ECE2: variants seen among roughly 807,000 people sequenced by gnomAD.
The protein encoded by ECE2 is endothelin converting enzyme 2.
Under a neutral mutation model 100.6 loss-of-function variants are expected in ECE2, and 81 were observed. That is an observed-to-expected ratio of 0.81 (90% CI 0.67 to 0.97). ECE2 has a LOEUF of 0.97. Ranked by LOEUF, ECE2 falls within the 50% of genes least tolerant of loss-of-function variation. ECE2 has a pLI of 0.00. For synonymous variants in ECE2, 391 were observed against 391.5 expected (o/e 1.00, Z 0.02); for missense variants, 911 against 988.1 (o/e 0.92, Z 1.05).
chr3:184,276,569 T>C lies in ECE2; in HGVS notation c.126+2T>C. ...GGGGCCTCCCCGGACGCCATGGAGG[T>C]GGGCAAGGGGGCTTCCCCTTTCTCA... On this transcript the variant is annotated splice_donor_variant, in intron 2 of 18. Transcript: ENST00000404464. LOFTEE classifies it high-confidence loss of function. The C allele has an allele frequency of 3.7e-6, 6 of 1,607,692 alleles. No homozygotes were observed. Among genetic ancestry groups the C allele is most frequent in the Non-Finnish European group, 5.1e-6 (6 of 1,177,940 alleles).
chr3:184,279,926 G>A (rs1341225205), intron 7 of ECE2, among the ~76,000 whole-genome samples: 1 of 152,156 alleles, frequency 6.6e-6, no homozygotes, highest in Admixed American at 6.5e-5. Flanking sequence ...GAGAAAGAAA[G>A]CCTGGAGATG....
chr3:184,288,309 CAAAAAAAA>C (rs10608428), intron 11 of ECE2, among the ~76,000 whole-genome samples: 145 of 91,482 alleles, frequency 1.6e-3, no homozygotes, highest in Non-Finnish European at 2.4e-3. Flanking sequence ...AACTCTGTCT[CAAAAAAAA>C]AAAAAAAAAA....
Position 184,291,234 on chromosome 3 carries a change from A to G in ECE2, c.2025+4A>G. 2 of 1,610,084 alleles carry G rather than the reference A, an allele frequency of 1.2e-6. No homozygotes were observed. Among genetic ancestry groups the G allele is most frequent in the Non-Finnish European group, 1.7e-6 (2 of 1,177,856 alleles). ...GGGGCTGAAGGCTGCCTACAATGTG[A>G]GTGGCCTGACCAGCCCTCCAGCGGC... On this transcript the variant is annotated splice_donor_region_variant and intron_variant, in intron 17 of 18. Coordinates refer to ENST00000404464, the MANE Select transcript of ECE2 (RefSeq NM_001100121.2). This position sits in a 1 kb window ranked among gnomAD's most constrained non-coding sequence, Gnocchi z 4.1.
intron 10 of ECE2, 138 bp downstream of exon 10, chr3:184,285,730 C>T (rs149811636): frequency 2.3e-4 from 147 of 647,186 alleles, no homozygotes; most frequent in African/African-American, 1.6e-3. Flanking sequence ...AGCCGACTTG[C>T]GTTTCAATCC....
In ECE2 at chr3:184,289,462, G is replaced by T; in HGVS notation, c.1400G>T (p.Arg467Leu). The part of the protein sequence containing the change: ...EIAEGMISEI[R>L]TAFEEALGQL... ...GCAGAGGGGATGATCAGCGAAATCC[G>T]GACCGCATTTGAGGAGGCCCTGGGA... The change falls in exon 12 of 19, where the codon CGG (arginine) becomes CTG (leucine). Residue 467 changes from arginine to leucine, a missense_variant. Coordinates refer to ENST00000404464, the MANE Select transcript of ECE2 (RefSeq NM_001100121.2). The surrounding 1 kb of genome is among the most constrained non-coding windows in gnomAD (Gnocchi z 4.1). The T allele has an allele frequency of 6.2e-7, 1 of 1,610,164 alleles. No individual in the cohort carries two copies. The highest frequency in any genetic ancestry group is 8.5e-7 in the Non-Finnish European group (1 of 1,178,444).
rs1428959853 is a variant in ECE2, at chr3:184,276,300, G to T, written c.39+108G>T. On this transcript the variant is annotated intron_variant, in intron 1 of 18. Coordinates refer to ENST00000404464, the MANE Select transcript of ECE2 (RefSeq NM_001100121.2). The stretch of plus-strand genomic sequence containing the variant: ...GTGCCCGGCTCGCGGAGGTAAGGCT[G>T]CCTCCCGGGCCTGGTGGAGGGGTGA... 4.3e-6 allele frequency: 6 copies of T among 1,386,784 alleles called. No homozygotes were observed. In the African/African-American group the frequency reaches 4.4e-5, roughly 10 times the overall value. 85.9% of individuals were successfully genotyped at this position (1,386,784 alleles called of 1,614,324 possible). A position where few individuals can be genotyped will look rare whatever the true frequency, so the allele number is the denominator to read the frequency against.
At chr3:184,290,755 C>A in intron 15 of ECE2, 38 bp from the exon 16 acceptor site, 2 of 1,613,378 alleles carry the variant, frequency 1.2e-6, no homozygotes, top group Admixed American at 1.7e-5. Flanking sequence ...TCAGAAGTAC[C>A]CCCGCCATGT....
chr3:184,281,242 G>A (rs1720804818), intron 7 of ECE2, among the ~76,000 whole-genome samples: 1 of 152,212 alleles, frequency 6.6e-6, no homozygotes, highest in African/African-American at 2.4e-5. Flanking sequence ...CTGAGTGGAG[G>A]AGAAGGCATA....
chr3:184,285,117 G>A lies in ECE2; in HGVS notation c.1148+12G>A, dbSNP rs1334689114. The A allele has an allele frequency of 2.5e-6, 4 of 1,612,270 alleles. No individual in the cohort carries two copies. The Admixed American group carries it at 6.7e-5, about 27-fold the overall frequency. ...CGCACGGAACCAAGGTGTGGGGGTA[G>A]CCCAGGGTGAGGGTGGGTTCTGTGG... On this transcript the variant is annotated intron_variant, in intron 9 of 18. Transcript: ENST00000404464.
intron 7 of ECE2, 122 bp from the exon 8 acceptor site, chr3:184,283,663 T>A: frequency 1.1e-6 from 1 of 872,530 alleles, no homozygotes; most frequent in Non-Finnish European, 1.7e-6. Context: ...AAACAGGTCA[T>A]CCAGAAAGGC....
intron 9 of ECE2, 124 bp from the exon 10 acceptor site, chr3:184,285,354 C>T (rs1720993432): frequency 1.1e-6 from 1 of 914,192 alleles, no homozygotes; most frequent in Admixed American, 2.3e-5. Flanking sequence ...CAAAGAGGAA[C>T]CCCGGGACAG....
intron 7 of ECE2, 100 bp downstream of exon 7, chr3:184,278,657 G>A: frequency 1.6e-6 from 2 of 1,277,990 alleles, no homozygotes; most frequent in South Asian, 2.5e-5. Context: ...GGGAAGGTGA[G>A]CCTATCCTGT....
At chr3:184,285,223 A>G (rs1475653560) in intron 9 of ECE2, 118 bp downstream of exon 9, 2 of 1,379,896 alleles carry the variant, frequency 1.4e-6, no homozygotes, top group African/African-American at 1.5e-5. Context: ...CCTTCCAAAC[A>G]TTGAATCAGA....
In ECE2 at chr3:184,291,777, G is replaced by T; in HGVS notation, c.2122-285G>T. 1.9e-6 allele frequency: 1 copy of T among 514,270 alleles called. No homozygotes were observed. Among genetic ancestry groups the T allele is most frequent in the Non-Finnish European group, 3.4e-6 (1 of 290,456 alleles). The allele number at this position is 514,270 out of a possible 1,614,324, so 31.9% of individuals were successfully genotyped here. A position where few individuals can be genotyped will look rare whatever the true frequency, so the allele number is the denominator to read the frequency against. On this transcript the variant is annotated intron_variant, in intron 18 of 18. Coordinates refer to ENST00000404464, the MANE Select transcript of ECE2 (RefSeq NM_001100121.2). This position sits in a 1 kb window ranked among gnomAD's most constrained non-coding sequence, Gnocchi z 4.1. ...GGAGACATGCAGGAAACGAAAGCTCGGGACGCAGAGTGGCCTGTCCAGGGC... is the reference window on the plus strand; with the variant it reads ...GGAGACATGCAGGAAACGAAAGCTCTGGACGCAGAGTGGCCTGTCCAGGGC...
In ECE2 at chr3:184,283,865, G is replaced by A; in HGVS notation, c.897G>A (p.Met299Ile). 1.2e-6 allele frequency: 2 copies of A among 1,613,976 alleles called. No individual in the cohort carries two copies. The highest frequency in any genetic ancestry group is 1.7e-6 in the Non-Finnish European group (2 of 1,180,014). Residue 299 changes from methionine (M) to isoleucine (I), a missense_variant, in exon 8 of 19, where the codon ATG becomes ATA. Physicochemically the swap from Met to Ile is conservative, Grantham distance 10. Transcript: ENST00000404464. ...GGRPTSTREQ[M>I]QQVLELEIQL... ...GGCCCACCTCCACGAGGGAGCAGAT[G>A]CAGCAGGTGCTGGAGTTGGAGATAC...
rs558036697 is a variant in ECE2 at position 184,285,376 on chromosome 3, G to A, written c.1149-102G>A. ...GAACCCCGGGACAGCTTCCACATAT[G>A]CCTCTCGGGACTCCTGCAACTTGCA... On this transcript the variant is annotated intron_variant, in intron 9 of 18. Coordinates refer to ENST00000404464, the MANE Select transcript of ECE2 (RefSeq NM_001100121.2). 9.8e-5 allele frequency: 97 copies of A among 987,658 alleles called. 1 individual carries two copies. In the South Asian group the frequency reaches 1.3e-3, roughly 13 times the overall value. The allele number at this position is 987,658 out of a possible 1,614,324, so 61.2% of individuals were successfully genotyped here. A position where few individuals can be genotyped will look rare whatever the true frequency, so the allele number is the denominator to read the frequency against.
rs1234051957 is a variant in ECE2, at chr3:184,292,277, C to T, written c.*39C>T. The T allele has an allele frequency of 6.2e-7, 1 of 1,607,168 alleles. No homozygotes were observed. The highest frequency in any genetic ancestry group is 1.7e-5 in the Admixed American group (1 of 59,664). On this transcript the variant is annotated 3_prime_UTR_variant, in exon 19 of 19. Coordinates refer to ENST00000404464, the MANE Select transcript of ECE2 (RefSeq NM_001100121.2). ...GAGAAATGGCCAGCTGTCACCAGACCTGGGGCAGCTCTCCTGACAAAGCTG... is the reference window on the plus strand; with the variant it reads ...GAGAAATGGCCAGCTGTCACCAGACTTGGGGCAGCTCTCCTGACAAAGCTG...
In ECE2 at chr3:184,277,393, C is replaced by G. The variant is rs2272472; in HGVS notation, c.405C>G (p.Pro135=). ...CGGWIRRNPL[P]DGRSRWNTFN... ...GCTGGATTCGGAGGAACCCCCTGCC[C>G]GATGGGCGTTCTCGCTGGAACACCT... Residue 135 remains proline, a synonymous_variant, in exon 4 of 19, where the codon CCC becomes CCG. Transcript: ENST00000404464. 11 of 1,614,124 alleles carry G rather than the reference C, an allele frequency of 6.8e-6. No homozygotes were observed. Among genetic ancestry groups the G allele is most frequent in the African/African-American group, 4.0e-5 (3 of 74,936 alleles).
rs1428408874 is a variant in ECE2, at chr3:184,292,879, T to G, written c.*641T>G. On this transcript the variant is annotated 3_prime_UTR_variant, in exon 19 of 19. Coordinates refer to ENST00000404464, the MANE Select transcript of ECE2 (RefSeq NM_001100121.2). Reference sequence around the variant, plus strand: ...GTTCCTGTGTCTTAGGGCACAAGCCTTAGCAAATGATTGATTCTCCCTGGA... The same window carrying G: ...GTTCCTGTGTCTTAGGGCACAAGCCGTAGCAAATGATTGATTCTCCCTGGA... The G allele has an allele frequency of 1.3e-5, 2 of 152,566 alleles. No individual in the cohort carries two copies. Among genetic ancestry groups the G allele is most frequent in the African/African-American group, 4.8e-5 (2 of 41,460 alleles). 9.5% of individuals were successfully genotyped at this position (152,566 alleles called of 1,614,324 possible).
Sources: gnomAD v4.1 joint callset for allele counts (sites outside exome capture counted in the v4.1 genomes callset) on GRCh38, gnomAD v4.1.1 for gene constraint, Gnocchi (gnomAD v3.1) non-coding constraint, MANE v1.5 for transcripts, NCBI Gene and HGNC (gene_info 2026-07-23, HGNC 2026-07-21) for gene names.